Variants in ASAP3 observed in about 807,000 individuals in gnomAD.
ASAP3 encodes the protein arf-GAP with SH3 domain, ANK repeat and PH domain-containing protein 3.
ASAP3 carries 85 observed loss-of-function variants against 118.2 expected under a neutral mutation model. The ratio of observed to expected loss-of-function variants is 0.72; its 90% CI spans 0.60 to 0.86. The LOEUF (loss-of-function observed/expected upper bound fraction) is 0.86, where lower values mean the gene tolerates loss of function less well. Among genes scored for constraint, ASAP3 ranks in the 40% least tolerant of loss-of-function variants. The pLI, the probability that ASAP3 is intolerant of heterozygous loss-of-function variation, is 0.00. For missense variants in ASAP3, 1,026 were observed against 1,175.0 expected, an observed-to-expected ratio of 0.87 and a Z score of 1.85; for synonymous variants, 432 against 477.4, an observed-to-expected ratio of 0.90 and a Z score of 1.24.
rs533353226 is a variant in ASAP3, at chr1:23,436,232, G to A, written c.1572-204C>T. On this transcript the variant is annotated intron_variant, in intron 16 of 24. Transcript: ENST00000336689. The surrounding 1 kb of genome is among the most constrained non-coding windows in gnomAD (Gnocchi z 4.2). ...GGAGGGAGTGCAGTGGCGCAATCTCGTTTCACTACAACCTCTGCTTCCAGG... is the reference window on the plus strand; with the variant it reads ...GGAGGGAGTGCAGTGGCGCAATCTCATTTCACTACAACCTCTGCTTCCAGG... 8.5e-4 allele frequency among the ~76,000 whole-genome samples: 130 copies of A among 152,216 alleles called. No homozygotes were observed. The highest frequency in any genetic ancestry group is 3.0e-3 in the African/African-American group (124 of 41,518).
chr1:23,471,392 A>G (rs1042833827), intron 1 of ASAP3, among the ~76,000 whole-genome samples: 8 of 152,158 alleles, frequency 5.3e-5, no homozygotes, highest in Admixed American at 6.5e-5. Flanking sequence ...TTTGCCATAC[A>G]TGTCTGATCT....
intron 1 of ASAP3, among the ~76,000 whole-genome samples, chr1:23,458,829 T>C (rs1448971357): frequency 6.6e-6 from 1 of 151,846 alleles, no homozygotes; most frequent in Non-Finnish European, 1.5e-5. Context: ...AAAAGGTGAG[T>C]AATTTAAGGA....
At position 23,435,889 on chromosome 1, in the gene ASAP3, G is replaced by A; in HGVS notation, c.1711C>T (p.Gln571Ter). The A allele has an allele frequency of 6.2e-7, 1 of 1,614,254 alleles. No homozygotes were observed. Among genetic ancestry groups the A allele is most frequent in the East Asian group, 2.2e-5 (1 of 44,890 alleles). Reference protein sequence around the residue: ...LSVLEAFANGQDFGQPLPGPD... With the variant: ...LSVLEAFANG ...CCTGGCAGCGGCTGTCCAAAGTCCTGCCCATTGGCAAAGGCCTCCAGTACC... is the reference window on the plus strand; with the variant it reads ...CCTGGCAGCGGCTGTCCAAAGTCCTACCCATTGGCAAAGGCCTCCAGTACC... Residue 571 changes from glutamine to a stop codon, truncating the protein, a stop_gained, in exon 17 of 25, where the codon CAG becomes TAG. Transcript: ENST00000336689. LOFTEE classifies it high-confidence loss of function.
Position 23,438,336 on chromosome 1 carries a change from G to A in ASAP3, c.1102+411C>T, listed in dbSNP as rs933293458. Among the ~76,000 whole-genome samples the A allele has an allele frequency of 4.6e-5, 7 of 152,128 alleles. No individual in the cohort carries two copies. Among genetic ancestry groups the A allele is most frequent in the African/African-American group, 1.7e-4 (7 of 41,402 alleles). The stretch of plus-strand genomic sequence containing the variant: ...AGAGTTTCCTGAGGACAAGATCTAG[G>A]TCTTTCTCAGCCTGTGTCTGCTCTC... On this transcript the variant is annotated intron_variant, in intron 12 of 24. Coordinates refer to ENST00000336689, the MANE Select transcript of ASAP3 (RefSeq NM_017707.4). This position sits in a 1 kb window ranked among gnomAD's most constrained non-coding sequence, Gnocchi z 4.9.
intron 1 of ASAP3, among the ~76,000 whole-genome samples, chr1:23,466,526 T>TAC (rs1641774954): frequency 6.6e-6 from 1 of 152,152 alleles, no homozygotes; most frequent in South Asian, 2.1e-4. Flanking sequence ...GATCCCAACA[T>TAC]ACACACACAC....
intron 1 of ASAP3, among the ~76,000 whole-genome samples, chr1:23,474,733 C>A (rs558803927): frequency 3.3e-5 from 5 of 152,238 alleles, no homozygotes; most frequent in African/African-American, 1.2e-4. Context: ...CAGGTGCGTG[C>A]CACCACGCCC....
At chr1:23,468,944 G>T (rs1641871301) in intron 1 of ASAP3, among the ~76,000 whole-genome samples, 1 of 143,044 alleles carries the variant, frequency 7.0e-6, no homozygotes, top group Non-Finnish European at 1.5e-5. Context: ...TTAACAAAAT[G>T]ATAAAGTACA....
At chr1:23,452,642 C>T in intron 4 of ASAP3, 55 bp downstream of exon 4, 1 of 1,574,934 alleles carries the variant, frequency 6.3e-7, no homozygotes, top group Non-Finnish European at 8.7e-7. Flanking sequence ...CCAACAGTCT[C>T]CTGCCCACCC....
chr1:23,465,300 C>G (rs1641729610), intron 1 of ASAP3, among the ~76,000 whole-genome samples: 1 of 152,228 alleles, frequency 6.6e-6, no homozygotes, highest in South Asian at 2.1e-4. Flanking sequence ...CACAGCAGAC[C>G]TCTGCCGCCG....
intron 1 of ASAP3, among the ~76,000 whole-genome samples, chr1:23,474,780 G>A (rs1260830779): frequency 2.6e-5 from 4 of 151,894 alleles, no homozygotes; most frequent in African/African-American, 9.7e-5. Flanking sequence ...ACGGGGTTTC[G>A]CCATGTTGGC....
chr1:23,439,616 A>T (rs1042776111), intron 10 of ASAP3, among the ~76,000 whole-genome samples: 1 of 152,222 alleles, frequency 6.6e-6, no homozygotes, highest in Admixed American at 6.5e-5. Context: ...TTGTGGTTCA[A>T]CTAAGCAAGA....
rs116509453 is a variant in ASAP3 at position 23,445,299 on chromosome 1, G to A, written c.474-2687C>T. Among the ~76,000 whole-genome samples the A allele has an allele frequency of 2.5e-3, 386 of 152,268 alleles. 2 individuals carry two copies. The highest frequency in any genetic ancestry group is 9.0e-3 in the African/African-American group (372 of 41,550). ...GAGCCCAGAAGTTCGAAACCAGCTC[G>A]GGCATCATGGTGAAACCCTGTCTCT... is the stretch of plus-strand genomic sequence containing the variant. On this transcript the variant is annotated intron_variant, in intron 5 of 24. Coordinates refer to ENST00000336689, the MANE Select transcript of ASAP3 (RefSeq NM_017707.4).
intron 3 of ASAP3, among the ~76,000 whole-genome samples, 161 bp from the exon 4 acceptor site, chr1:23,452,932 G>A (rs898265290): frequency 1.3e-5 from 2 of 152,102 alleles, no homozygotes; most frequent in African/African-American, 4.8e-5. Flanking sequence ...AAGTAAGGGG[G>A]ACCGTCATGG....
In ASAP3 at chr1:23,470,544, T is replaced by C. The variant is rs537080382; in HGVS notation, c.129+13461A>G. 1.4e-4 allele frequency among the ~76,000 whole-genome samples: 22 copies of C among 152,284 alleles called. No homozygotes were observed. In the East Asian group the frequency reaches 4.1e-3, roughly 28 times the overall value. On this transcript the variant is annotated intron_variant, in intron 1 of 24. Transcript: ENST00000336689. ...CTGTCTCGCGGTGTGACCTGGCCAG[T>C]CTCCTTCCCACCCTGAGCCTCTGAC...
At chr1:23,468,073 T>G (rs528190552) in intron 1 of ASAP3, among the ~76,000 whole-genome samples, 51 of 152,202 alleles carry the variant, frequency 3.4e-4, no homozygotes, top group Admixed American at 2.9e-3. Flanking sequence ...AATGGGGCAG[T>G]CATCATTTTT....
chr1:23,464,697 A>C (rs541475319), intron 1 of ASAP3, among the ~76,000 whole-genome samples: 30 of 129,954 alleles, frequency 2.3e-4, no homozygotes, highest in African/African-American at 8.0e-4. Context: ...AAAAAAAATC[A>C]GCTTCTGGGT....
chr1:23,456,335 C>G, intron 1 of ASAP3, 141 bp from the exon 2 acceptor site: 1 of 752,494 alleles, frequency 1.3e-6, no homozygotes, highest in South Asian at 1.8e-5. Context: ...TGGAACTTAT[C>G]CCTAGGGTCT....
intron 1 of ASAP3, among the ~76,000 whole-genome samples, chr1:23,476,414 C>A (rs1412753836): frequency 6.6e-6 from 1 of 151,992 alleles, no homozygotes. Flanking sequence ...CACATGTACT[C>A]CATCGACAAA....
At chr1:23,468,413 A>G (rs994292018) in intron 1 of ASAP3, among the ~76,000 whole-genome samples, 1 of 152,196 alleles carries the variant, frequency 6.6e-6, no homozygotes, top group African/African-American at 2.4e-5. Context: ...ATATTTTTCA[A>G]TCAATCAATA....
Sources: allele counts gnomAD v4.1 joint callset (sites outside exome capture counted in the v4.1 genomes callset), GRCh38; gene constraint gnomAD v4.1.1; non-coding constraint Gnocchi (gnomAD v3.1); transcripts MANE v1.5; gene names NCBI Gene and HGNC (gene_info 2026-07-23, HGNC 2026-07-21).